Variants in PIGB observed in about 807,000 individuals in gnomAD.
PIGB encodes phosphatidylinositol glycan anchor biosynthesis class B.
PIGB carries 58 observed loss-of-function variants against 68.4 expected under a neutral mutation model. That is an observed-to-expected ratio of 0.85 (90% CI 0.69 to 1.06). PIGB has a LOEUF of 1.06. Ranked by LOEUF, PIGB falls within the 50% of genes least tolerant of loss-of-function variation. PIGB has a pLI of 0.00. For synonymous variants in PIGB, 219 were observed against 220.5 expected, an observed-to-expected ratio of 0.99 and a Z score of 0.06; for missense variants, 634 against 655.8, an observed-to-expected ratio of 0.97 and a Z score of 0.36.
At chr15:55,325,359 ACT>A (rs1432887731) in intron 3 of PIGB, among the ~76,000 whole-genome samples, 1 of 151,956 alleles carries the variant, frequency 6.6e-6, no homozygotes, top group African/African-American at 2.4e-5. Context: ...AAATAAATAA[ACT>A]CACGTATAAA....
intron 5 of PIGB, among the ~76,000 whole-genome samples, chr15:55,331,786 C>T (rs2055421360): frequency 1.3e-5 from 2 of 152,028 alleles, no homozygotes; most frequent in African/African-American, 4.8e-5. Flanking sequence ...TCAAGTAATC[C>T]TCCCACCACG....
At chr15:55,320,947 T>C (rs542916000) in intron 2 of PIGB, among the ~76,000 whole-genome samples, 2 of 152,324 alleles carry the variant, frequency 1.3e-5, no homozygotes, top group South Asian at 2.1e-4. Flanking sequence ...ATTCCCACAG[T>C]ACTTAGCACT....
In PIGB at chr15:55,355,541, C is replaced by T; in HGVS notation, c.*109C>T. ...GGAACTTAGAAAAAAGCTGTATGAA[C>T]TGCTTTACCAAATATCACTACTGAG... On this transcript the variant is annotated 3_prime_UTR_variant, in exon 12 of 12. Coordinates refer to ENST00000164305, the MANE Select transcript of PIGB (RefSeq NM_004855.5). 4 of 827,030 alleles carry T rather than the reference C, an allele frequency of 4.8e-6. No homozygotes were observed. Among genetic ancestry groups the T allele is most frequent in the Non-Finnish European group, 7.6e-6 (4 of 527,186 alleles). 51.2% of individuals were successfully genotyped at this position (827,030 alleles called of 1,614,324 possible). A position where few individuals can be genotyped will look rare whatever the true frequency, so the allele number is the denominator to read the frequency against.
Position 55,354,846 on chromosome 15 carries a change from C to T in PIGB, c.1386C>T (p.Asp462=). 6.2e-7 allele frequency: 1 copy of T among 1,613,754 alleles called. No individual in the cohort carries two copies. ...TGAGATTTCTCCAGTGCCCGCCAGA[C>T]CTGACTGGAAAAAGTCATTATCTTG... ...LPMRFLQCPP[D]LTGKSHYLDE... is the part of the protein sequence containing the mutation. Residue 462 remains aspartate (D), a synonymous_variant, in exon 11 of 12, where the codon GAC becomes GAT. Coordinates refer to ENST00000164305, the MANE Select transcript of PIGB (RefSeq NM_004855.5).
intron 9 of PIGB, among the ~76,000 whole-genome samples, chr15:55,347,185 G>A (rs530873823): frequency 1.3e-5 from 2 of 152,274 alleles, no homozygotes; most frequent in African/African-American, 4.8e-5. Flanking sequence ...TGTAATCCCA[G>A]CACTTTGGGA....
intron 9 of PIGB, among the ~76,000 whole-genome samples, chr15:55,348,696 G>T (rs746850037): frequency 7.0e-4 from 106 of 152,294 alleles, no homozygotes; most frequent in Middle Eastern, 3.4e-3. Context: ...GCAGCCTGAA[G>T]CCCTCACCAG....
In PIGB at chr15:55,350,683, G is replaced by A. The variant is rs1354038960; in HGVS notation, c.1124-16G>A. On this transcript the variant is annotated splice_polypyrimidine_tract_variant and intron_variant, in intron 9 of 11. Coordinates refer to ENST00000164305, the MANE Select transcript of PIGB (RefSeq NM_004855.5). Reference sequence around the variant, plus strand: ...GATTGTCAGTGTTAAGGTTCAATATGTCTATCTTCATATAGGATACTCATT... The same window carrying A: ...GATTGTCAGTGTTAAGGTTCAATATATCTATCTTCATATAGGATACTCATT... The A allele has an allele frequency of 3.3e-6, 5 of 1,531,816 alleles. No homozygotes were observed. Among genetic ancestry groups the A allele is most frequent in the Non-Finnish European group, 4.5e-6 (5 of 1,108,688 alleles). The allele number at this position is 1,531,816 out of a possible 1,614,324, so 94.9% of individuals were successfully genotyped here.
chr15:55,330,721 T>C (rs2055394614), intron 5 of PIGB, among the ~76,000 whole-genome samples: 1 of 152,208 alleles, frequency 6.6e-6, no homozygotes, highest in Admixed American at 6.5e-5. Flanking sequence ...AAACTTCTTT[T>C]GTAATAGCAG....
At chr15:55,348,787 TACAA>T (rs1014912249) in intron 9 of PIGB, among the ~76,000 whole-genome samples, 7 of 152,192 alleles carry the variant, frequency 4.6e-5, no homozygotes, top group Non-Finnish European at 5.9e-5. Context: ...AGTATAGCAG[TACAA>T]ACAAAGACAA....
chr15:55,331,925 G>A (rs963280635), intron 5 of PIGB, among the ~76,000 whole-genome samples: 19 of 151,956 alleles, frequency 1.3e-4, no homozygotes, highest in Non-Finnish European at 1.0e-4. Context: ...TTTGGGCTAG[G>A]ATTCCTTCAT....
chr15:55,333,624 C>T (rs1032162582), intron 5 of PIGB, among the ~76,000 whole-genome samples: 1 of 152,068 alleles, frequency 6.6e-6, no homozygotes, highest in Non-Finnish European at 1.5e-5. Context: ...CCCAGCTACT[C>T]GGGATGCTGA....
At chr15:55,329,048 T>G (rs1161701677) in intron 4 of PIGB, among the ~76,000 whole-genome samples, 2 of 152,206 alleles carry the variant, frequency 1.3e-5, no homozygotes, top group African/African-American at 2.4e-5. Flanking sequence ...AAGGCTATAT[T>G]TGGTGAGATG....
chr15:55,347,630 CT>C lies in PIGB; in HGVS notation c.1124-3068del. Among the ~76,000 whole-genome samples the C allele has an allele frequency of 2.0e-5, 3 of 152,314 alleles. No individual in the cohort carries two copies. The Middle Eastern group carries it at 0.01, about 518-fold the overall frequency. The stretch of plus-strand genomic sequence containing the variant: ...TGAATGGCAACTGTTTCAGTATCCA[CT>C]GTCCCCAAGAAAACTAAGCTATCAC... On this transcript the variant is annotated intron_variant, in intron 9 of 11. Transcript: ENST00000164305.
chr15:55,333,933 A>C lies in PIGB; in HGVS notation c.720A>C (p.Thr240=), dbSNP rs1206226006. 1.9e-6 allele frequency: 3 copies of C among 1,609,088 alleles called. No homozygotes were observed. Among genetic ancestry groups the C allele is most frequent in the Non-Finnish European group, 2.5e-6 (3 of 1,177,450 alleles). ...IIRPTAVILW[T]PLLFRHFCQE... is the part of the protein sequence containing the mutation. ...GTCCCACAGCTGTCATTCTGTGGAC[A>C]CCTTTGCTCTTCAGACATTTCTGTC... Residue 240 remains threonine (T), a synonymous_variant, in exon 6 of 12, where the codon ACA becomes ACC. Transcript: ENST00000164305.
At chr15:55,321,514 T>TA in intron 3 of PIGB, 124 bp downstream of exon 3, 1 of 666,382 alleles carries the variant, frequency 1.5e-6, no homozygotes, top group Non-Finnish European at 2.5e-6. Flanking sequence ...CTGTGATGTG[T>TA]AACTCTTTAG....
chr15:55,339,592 C>T (rs1180640283), intron 7 of PIGB, among the ~76,000 whole-genome samples: 5 of 152,196 alleles, frequency 3.3e-5, no homozygotes, highest in African/African-American at 7.2e-5. Context: ...GTCAGCTTTA[C>T]GCTGTAATTC....
intron 9 of PIGB, among the ~76,000 whole-genome samples, chr15:55,349,113 C>T (rs1450880765): frequency 6.6e-6 from 1 of 151,454 alleles, no homozygotes; most frequent in Non-Finnish European, 1.5e-5. Context: ...GAACTCCTGA[C>T]CTCAAGTGAT....
intron 3 of PIGB, among the ~76,000 whole-genome samples, chr15:55,326,214 C>T (rs1397515097): frequency 6.7e-6 from 1 of 150,180 alleles, no homozygotes; most frequent in East Asian, 1.9e-4. Flanking sequence ...AAAAAGACTC[C>T]GTCTCAAAAA....
intron 3 of PIGB, among the ~76,000 whole-genome samples, chr15:55,321,682 T>A (rs1363097531): frequency 7.1e-6 from 1 of 141,244 alleles, no homozygotes; most frequent in African/African-American, 2.7e-5. Flanking sequence ...GGACGGAGTT[T>A]GCTCTTGTTG....
Sources: gnomAD v4.1 joint callset for allele counts (sites outside exome capture counted in the v4.1 genomes callset) on GRCh38, gnomAD v4.1.1 for gene constraint, MANE v1.5 for transcripts, NCBI Gene and HGNC (gene_info 2026-07-23, HGNC 2026-07-21) for gene names.